MTRF1: variants seen among roughly 807,000 people sequenced by gnomAD.
The protein encoded by MTRF1 is peptide chain release factor 1, mitochondrial.
MTRF1 carries 51 observed loss-of-function variants against 62.9 expected under a neutral mutation model. That is an observed-to-expected ratio of 0.81 (90% CI 0.65 to 1.02). The LOEUF is 1.02. MTRF1 is among the 50% of genes least tolerant of loss of function. MTRF1 has a pLI of 0.00. For missense variants in MTRF1, 446 were observed against 530.0 expected, an observed-to-expected ratio of 0.84 and a Z score of 1.56; for synonymous variants, 158 against 181.9, an observed-to-expected ratio of 0.87 and a Z score of 1.06.
chr13:41,297,998 C>A, the MTRF1 span, among the ~76,000 whole-genome samples: 1 of 152,122 alleles, frequency 6.6e-6, no homozygotes, highest in Non-Finnish European at 1.5e-5. Context: ...ATAATTCAAT[C>A]TTATCTTTTA....
At chr13:41,289,015 C>T in the MTRF1 span, among the ~76,000 whole-genome samples, 2 of 152,124 alleles carry the variant, frequency 1.3e-5, no homozygotes, top group Non-Finnish European at 1.5e-5. Flanking sequence ...CTTACAACTA[C>T]ACAAGACGTT....
At chr13:41,308,810 A>C in the MTRF1 span, among the ~76,000 whole-genome samples, 63 of 152,286 alleles carry the variant, frequency 4.1e-4, no homozygotes, top group East Asian at 0.011. Context: ...GTGTACAGAC[A>C]GTCTTGTCAC....
the MTRF1 span, chr13:41,311,269 A>G: frequency 5.5e-6 from 3 of 549,234 alleles, no homozygotes; most frequent in East Asian, 6.6e-5. Context: ...GCCATCTTGC[A>G]GTGCGCGGGA....
the MTRF1 span, among the ~76,000 whole-genome samples, chr13:41,273,893 G>A: frequency 7.4e-4 from 112 of 151,702 alleles, no homozygotes; most frequent in Non-Finnish European, 1.4e-3. Flanking sequence ...AAGGTGGGGC[G>A]ACTCAAAGCA....
chr13:41,311,933 G>T, the MTRF1 span, among the ~76,000 whole-genome samples: 90 of 152,346 alleles, frequency 5.9e-4, no homozygotes, highest in East Asian at 9.1e-3. Flanking sequence ...GCCCCTCAGG[G>T]ATCCTCCCCC....
At chr13:41,231,899 CA>C (rs2035642084) in intron 7 of MTRF1, among the ~76,000 whole-genome samples, 1 of 122,032 alleles carries the variant, frequency 8.2e-6, no homozygotes, top group Non-Finnish European at 1.7e-5. Context: ...AAAAAAAAAG[CA>C]AAAATTAGCC....
chr13:41,299,713 C>T, the MTRF1 span, among the ~76,000 whole-genome samples: 2 of 150,284 alleles, frequency 1.3e-5, no homozygotes, highest in African/African-American at 4.9e-5. Context: ...CTGAGCTTCA[C>T]AATCTGGCCA....
the MTRF1 span, among the ~76,000 whole-genome samples, chr13:41,311,812 A>G: frequency 6.7e-6 from 1 of 150,054 alleles, no homozygotes; most frequent in Non-Finnish European, 1.5e-5. Flanking sequence ...GGCTCGCCTC[A>G]CCCCCGCCGC....
intron 2 of MTRF1, among the ~76,000 whole-genome samples, chr13:41,255,564 C>T (rs112684870): frequency 6.6e-6 from 1 of 152,004 alleles, no homozygotes; most frequent in Non-Finnish European, 1.5e-5. Context: ...TGGTGGTGCA[C>T]GCGTGTACCC....
the MTRF1 span, among the ~76,000 whole-genome samples, chr13:41,278,455 A>G: frequency 6.6e-6 from 1 of 152,240 alleles, no homozygotes; most frequent in Non-Finnish European, 1.5e-5. Context: ...GATATGCCCT[A>G]TGTAAACGGA....
chr13:41,224,628 T>C (rs191437618), intron 8 of MTRF1, among the ~76,000 whole-genome samples: 164 of 152,312 alleles, frequency 1.1e-3, no homozygotes, highest in African/African-American at 3.7e-3. Context: ...TCACTCCAGA[T>C]CAGTTACATC....
At chr13:41,277,052 C>T in the MTRF1 span, among the ~76,000 whole-genome samples, 1 of 152,136 alleles carries the variant, frequency 6.6e-6, no homozygotes, top group Non-Finnish European at 1.5e-5. Context: ...AACCCTTAAC[C>T]TATGAGCCTT....
At chr13:41,288,749 G>C in the MTRF1 span, among the ~76,000 whole-genome samples, 112 of 151,956 alleles carry the variant, frequency 7.4e-4, no homozygotes, top group African/African-American at 2.6e-3. Context: ...GTTTATTTTA[G>C]ACTATGGAAA....
At chr13:41,304,192 A>G in the MTRF1 span, among the ~76,000 whole-genome samples, 7 of 152,216 alleles carry the variant, frequency 4.6e-5, no homozygotes, top group Non-Finnish European at 7.3e-5. Flanking sequence ...TGAAATGCCA[A>G]TGAGAGATTA....
chr13:41,289,022 C>T, the MTRF1 span, among the ~76,000 whole-genome samples: 7 of 152,036 alleles, frequency 4.6e-5, no homozygotes, highest in Admixed American at 6.6e-5. Flanking sequence ...CTACACAAGA[C>T]GTTGCTAAAG....
chr13:41,306,456 G>T, the MTRF1 span, among the ~76,000 whole-genome samples: 1 of 152,122 alleles, frequency 6.6e-6, no homozygotes, highest in African/African-American at 2.4e-5. Flanking sequence ...GTCTGGGGTG[G>T]AACACGTTGT....
the MTRF1 span, among the ~76,000 whole-genome samples, chr13:41,288,558 T>C: frequency 6.6e-6 from 1 of 152,370 alleles, no homozygotes; most frequent in Non-Finnish European, 1.5e-5. Flanking sequence ...GGAGGCTTAC[T>C]GTCACCAGCA....
chr13:41,257,420 A>T (rs976849861), intron 2 of MTRF1, among the ~76,000 whole-genome samples: 1 of 152,220 alleles, frequency 6.6e-6, no homozygotes, highest in African/African-American at 2.4e-5. Flanking sequence ...TGCAAGCTAC[A>T]TCACAAAGGT....
intron 8 of MTRF1, among the ~76,000 whole-genome samples, chr13:41,225,808 TAAA>T (rs11368326): frequency 4.1e-4 from 50 of 121,064 alleles, no homozygotes; most frequent in Admixed American, 7.1e-4. Flanking sequence ...ACTCTGTCAT[TAAA>T]AAAAAAAAAA....
Sources: gnomAD v4.1 joint callset for allele counts (sites outside exome capture counted in the v4.1 genomes callset) on GRCh38, gnomAD v4.1.1 for gene constraint, MANE v1.5 for transcripts, NCBI Gene and HGNC (gene_info 2026-07-23, HGNC 2026-07-21) for gene names.